Variants in DYSF observed in about 807,000 individuals in gnomAD.
DYSF encodes dysferlin.
DYSF carries 212 observed loss-of-function variants against 274.9 expected under a neutral mutation model. The ratio of observed to expected loss-of-function variants is 0.77; its 90% CI spans 0.69 to 0.86. DYSF has a LOEUF of 0.86. Ranked by LOEUF, DYSF falls within the 40% of genes least tolerant of loss-of-function variation. The pLI is 0.00. For missense variants in DYSF, 2,666 were observed against 2,783.2 expected (o/e 0.96, Z 0.95); for synonymous variants, 1,091 against 1,078.7 (o/e 1.01, Z -0.22).
intron 32 of DYSF, among the ~76,000 whole-genome samples, chr2:71,591,775 C>G (rs574429361): frequency 1.8e-4 from 27 of 152,344 alleles, no homozygotes; most frequent in African/African-American, 6.3e-4. Context: ...GGTCCACTCT[C>G]CTCCGCGATG....
At chr2:71,570,394 T>G in intron 28 of DYSF, 60 bp downstream of exon 28, 3 of 1,553,550 alleles carry the variant, frequency 1.9e-6, no homozygotes, top group Middle Eastern at 1.8e-4. Flanking sequence ...GCCATGCTGG[T>G]GGGGACGACT....
At position 71,571,372 on chromosome 2, in the gene DYSF, G is replaced by A. The variant is rs554044819; in HGVS notation, c.3228+631G>A. ...CACCCACAGATCACACCCAGCACATGCACAGATCACAGTCAGCACACACAG... is the reference window on the plus strand; with the variant it reads ...CACCCACAGATCACACCCAGCACATACACAGATCACAGTCAGCACACACAG... On this transcript the variant is annotated intron_variant, in intron 29 of 55. Transcript: ENST00000410020. 4.0e-3 allele frequency among the ~76,000 whole-genome samples: 296 copies of A among 74,160 alleles called. 1 individual carries two copies. Among genetic ancestry groups the A allele is most frequent in the East Asian group, 0.028 (59 of 2,130 alleles). The allele number at this position is 74,160 out of a possible 152,430, so 48.7% of individuals were successfully genotyped here. A position where few individuals can be genotyped will look rare whatever the true frequency, so the allele number is the denominator to read the frequency against.
rs2095071509 is a variant in DYSF, at chr2:71,669,121, G to A, written c.5556G>A (p.Leu1852=). The change falls in exon 50 of 56, where the codon CTG becomes CTA. Residue 1852 remains leucine (L), a synonymous_variant. Coordinates refer to ENST00000410020, the MANE Select transcript of DYSF (RefSeq NM_001130987.2). ...ITPRRARRFF[L]RCIIWNTRDV... ...TGATACCTTTCCCCAGGTTTTTCCT[G>A]CGTTGTATTATCTGGAATACCAGAG... is the stretch of plus-strand genomic sequence containing the variant. 1.9e-6 allele frequency: 3 copies of A among 1,601,382 alleles called. No homozygotes were observed. Among genetic ancestry groups the A allele is most frequent in the Admixed American group, 1.7e-5 (1 of 58,148 alleles).
Position 71,659,006 on chromosome 2 carries a change from C to T in DYSF, c.4884C>T (p.Gly1628=), listed in dbSNP as rs1211089520. 5 of 1,614,188 alleles carry T rather than the reference C, an allele frequency of 3.1e-6. No homozygotes were observed. The highest frequency in any genetic ancestry group is 2.2e-5 in the East Asian group (1 of 44,888). The change falls in exon 44 of 56, where the codon GGC becomes GGT. Residue 1628 remains glycine, a synonymous_variant. Transcript: ENST00000410020. ...GTATCTACATTGTCCGAGCATTTGG[C>T]CTGCAGCCCAAGGACCCCAATGGAA... ...LVRIYIVRAF[G]LQPKDPNGKC... is the part of the protein sequence containing the mutation.
intron 1 of DYSF, among the ~76,000 whole-genome samples, chr2:71,476,047 C>T (rs2082369475): frequency 6.6e-6 from 1 of 152,176 alleles, no homozygotes; most frequent in Non-Finnish European, 1.5e-5. Flanking sequence ...GCTGGGATTA[C>T]AAGTGTGAGG....
intron 16 of DYSF, among the ~76,000 whole-genome samples, chr2:71,535,578 G>A (rs1242843983): frequency 2.0e-5 from 3 of 152,080 alleles, no homozygotes; most frequent in Non-Finnish European, 4.4e-5. Flanking sequence ...AGGAGGTGGG[G>A]CAGGTGATGG....
chr2:71,622,905 G>T (rs114145300), intron 41 of DYSF, among the ~76,000 whole-genome samples: 31 of 152,112 alleles, frequency 2.0e-4, no homozygotes, highest in African/African-American at 5.3e-4. Context: ...GTGAGCCACC[G>T]CACCTAGCTG....
At chr2:71,672,213 G>T (rs374846562) in intron 51 of DYSF, among the ~76,000 whole-genome samples, 1 of 152,096 alleles carries the variant, frequency 6.6e-6, no homozygotes, top group Non-Finnish European at 1.5e-5. Flanking sequence ...TGGCTTGGCC[G>T]AAGGCAGAGC....
At chr2:71,520,090 G>A (rs2087089733) in intron 10 of DYSF, 88 bp from the exon 11 acceptor site, 1 of 1,515,088 alleles carries the variant, frequency 6.6e-7, no homozygotes, top group Non-Finnish European at 9.2e-7. Context: ...CAAAAACATG[G>A]TTTTTAATGG....
At chr2:71,607,715 G>A (rs1416713036) in intron 36 of DYSF, among the ~76,000 whole-genome samples, 5 of 152,152 alleles carry the variant, frequency 3.3e-5, no homozygotes, top group South Asian at 2.1e-4. Flanking sequence ...CAGGCAGGGC[G>A]ATGAGGGGCA....
At chr2:71,533,099 A>C (rs1197942267) in intron 14 of DYSF, among the ~76,000 whole-genome samples, 1 of 152,118 alleles carries the variant, frequency 6.6e-6, no homozygotes, top group Non-Finnish European at 1.5e-5. Flanking sequence ...CGCTCATTGC[A>C]GCCTCTGCCT....
intron 32 of DYSF, among the ~76,000 whole-genome samples, chr2:71,595,598 G>A (rs112097416): frequency 2.6e-5 from 4 of 152,318 alleles, no homozygotes; most frequent in Admixed American, 2.6e-4. Context: ...GGCTCAGCCC[G>A]AACAGCCTGG....
rs780923865 is a variant in DYSF at position 71,669,660 on chromosome 2, C to T, written c.5698C>T (p.Leu1900=). 31 of 1,614,082 alleles carry T rather than the reference C, an allele frequency of 1.9e-5. 1 individual carries two copies. Among genetic ancestry groups the T allele is most frequent in the South Asian group, 1.6e-4 (15 of 91,088 alleles). ...AAAGACAGACGTGCATTATCGTTCC[C>T]TGGGAGGTGAAGGCAACTTCAACTG... is the stretch of plus-strand genomic sequence containing the variant. ...KQKTDVHYRS[L]GGEGNFNWRF... Residue 1900 remains leucine (L), a synonymous_variant, in exon 51 of 56, where the codon CTG becomes TTG. Coordinates refer to ENST00000410020, the MANE Select transcript of DYSF (RefSeq NM_001130987.2).
At chr2:71,485,068 T>C (rs1437025541) in intron 3 of DYSF, among the ~76,000 whole-genome samples, 2 of 152,220 alleles carry the variant, frequency 1.3e-5, no homozygotes, top group African/African-American at 4.8e-5. Context: ...ACCTCACCCG[T>C]TTACCAGAAA....
chr2:71,644,613 T>C (rs1252678654), intron 42 of DYSF, among the ~76,000 whole-genome samples: 4 of 152,304 alleles, frequency 2.6e-5, no homozygotes, highest in African/African-American at 9.6e-5. Flanking sequence ...TCTGAAAATA[T>C]GGGAAACCCT....
At chr2:71,508,518 A>G (rs189239852) in intron 4 of DYSF, among the ~76,000 whole-genome samples, 1 of 152,248 alleles carries the variant, frequency 6.6e-6, no homozygotes, top group African/African-American at 2.4e-5. Context: ...TTGTAGCTGG[A>G]TATTTTTTTG....
chr2:71,516,883 A>C, intron 9 of DYSF, 106 bp from the exon 10 acceptor site: 1 of 996,314 alleles, frequency 1.0e-6, no homozygotes, highest in Admixed American at 1.7e-5. Flanking sequence ...GAATTGAGTA[A>C]GTGTGAAGTG....
intron 30 of DYSF, among the ~76,000 whole-genome samples, chr2:71,581,926 TGAG>T (rs1328628906): frequency 6.6e-6 from 1 of 152,012 alleles, no homozygotes; most frequent in Non-Finnish European, 1.5e-5. Context: ...GCAGATCACC[TGAG>T]GTCAGGAGTT....
At chr2:71,604,983 A>G (rs968206334) in intron 36 of DYSF, among the ~76,000 whole-genome samples, 1 of 152,168 alleles carries the variant, frequency 6.6e-6, no homozygotes. Context: ...CTTTATGCCC[A>G]TCTGGGACAC....
Sources: gnomAD v4.1 joint callset for allele counts (sites outside exome capture counted in the v4.1 genomes callset) on GRCh38, gnomAD v4.1.1 for gene constraint, MANE v1.5 for transcripts, NCBI Gene and HGNC (gene_info 2026-07-23, HGNC 2026-07-21) for gene names.